Variants in DDX19A observed in about 807,000 individuals in gnomAD.
The protein encoded by DDX19A is ATP-dependent RNA helicase DDX19A.
In DDX19A, 12 loss-of-function variants were observed where a neutral mutation model predicts 60.6. That is an observed-to-expected ratio of 0.20 (90% CI 0.13 to 0.32). The LOEUF is 0.32. Among genes scored for constraint, DDX19A ranks in the 10% least tolerant of loss-of-function variants. DDX19A has a pLI of 1.00. For synonymous variants in DDX19A, 206 were observed against 218.2 expected (o/e 0.94, Z 0.49); for missense variants, 337 against 600.6 (o/e 0.56, Z 4.59).
At chr16:70,361,329 A>G in intron 4 of DDX19A, 89 bp from the exon 5 acceptor site, 1 of 1,006,654 alleles carries the variant, frequency 9.9e-7, no homozygotes, top group South Asian at 1.3e-5. Flanking sequence ...AGGAGGCATC[A>G]TTCCTTTCTA....
intron 2 of DDX19A, 49 bp downstream of exon 2, chr16:70,350,654 T>C (rs1963983500): frequency 7.4e-7 from 1 of 1,355,498 alleles, no homozygotes; most frequent in Non-Finnish European, 1.0e-6. Flanking sequence ...TGTGGGCCGC[T>C]GCTTTGCACT....
chr16:70,372,237 T>G lies in DDX19A; in HGVS notation c.*251T>G. On this transcript the variant is annotated 3_prime_UTR_variant, in exon 12 of 12. Coordinates refer to ENST00000302243, the MANE Select transcript of DDX19A (RefSeq NM_018332.5). Reference sequence around the variant, plus strand: ...TTTTTAAAGCCACATTCCCCCATCTTTATAATAATCTGGTCACAGTGGTAG... The same window carrying G: ...TTTTTAAAGCCACATTCCCCCATCTGTATAATAATCTGGTCACAGTGGTAG... 1 of 599,016 alleles carries G rather than the reference T, an allele frequency of 1.7e-6. No individual in the cohort carries two copies. Among genetic ancestry groups the G allele is most frequent in the Non-Finnish European group, 2.9e-6 (1 of 341,542 alleles). The allele number at this position is 599,016 out of a possible 1,614,324, so 37.1% of individuals were successfully genotyped here.
At chr16:70,369,472 C>CT (rs1964618604) in intron 9 of DDX19A, among the ~76,000 whole-genome samples, 1 of 152,060 alleles carries the variant, frequency 6.6e-6, no homozygotes, top group Non-Finnish European at 1.5e-5. Context: ...GCCACCGCGC[C>CT]TGGCCCCCAG....
At chr16:70,360,822 G>GT in intron 4 of DDX19A, 1 of 153,304 alleles carries the variant, frequency 6.5e-6, no homozygotes, top group Non-Finnish European at 1.5e-5. Context: ...CTCAGTCACA[G>GT]ATCACTGCAG....
intron 10 of DDX19A, chr16:70,370,695 C>CA: frequency 7.6e-6 from 2 of 264,094 alleles, no homozygotes; most frequent in Non-Finnish European, 1.4e-5. Flanking sequence ...GACTCTGTCT[C>CA]CAAAAAAAAA....
At chr16:70,357,898 G>A (rs1964260884) in intron 4 of DDX19A, among the ~76,000 whole-genome samples, 1 of 152,002 alleles carries the variant, frequency 6.6e-6, no homozygotes, top group Non-Finnish European at 1.5e-5. Context: ...CTATAGTATG[G>A]CCACTATGGA....
Position 70,350,605 on chromosome 16 carries a change from G to A in DDX19A, c.106G>A (p.Gly36Ser). 1 of 1,610,486 alleles carries A rather than the reference G, an allele frequency of 6.2e-7. No homozygotes were observed. Among genetic ancestry groups the A allele is most frequent in the Non-Finnish European group, 8.5e-7 (1 of 1,177,848 alleles). The change falls in exon 2 of 12, where the codon GGT (glycine) becomes AGT (serine). Residue 36 changes from glycine to serine, a missense_variant and splice_region_variant. This residue lies in a region of DDX19A where 127 missense variants were observed against 160.3 expected (regional missense o/e 0.79). Transcript: ENST00000302243. ...AGAGAAAGTCAAAGCAGATACCAAT[G>A]GTGAGTCACTAGTAACTACAAGCTA... ...KEEKVKADTN[G>S]IIKTSTTAEK...
At chr16:70,350,211 C>G (rs1963969588) in intron 1 of DDX19A, among the ~76,000 whole-genome samples, 1 of 152,158 alleles carries the variant, frequency 6.6e-6, no homozygotes, top group Admixed American at 6.6e-5. Context: ...CATGATCGTG[C>G]TGCTGTACTC....
In DDX19A at chr16:70,346,905, A is replaced by G. The variant is rs767771170; in HGVS notation, c.-87A>G. 10 of 1,374,962 alleles carry G rather than the reference A, an allele frequency of 7.3e-6. No homozygotes were observed. The highest frequency in any genetic ancestry group is 1.0e-5 in the Non-Finnish European group (10 of 992,504). 85.2% of individuals were successfully genotyped at this position (1,374,962 alleles called of 1,614,324 possible). On this transcript the variant is annotated 5_prime_UTR_variant, in exon 1 of 12. Coordinates refer to ENST00000302243, the MANE Select transcript of DDX19A (RefSeq NM_018332.5). ...GCCGCTTCCGGTCCGCGTGAGGTGC[A>G]TTCTCGCGCCGGTGGCGAGGTTAGG...
intron 5 of DDX19A, chr16:70,363,632 G>C (rs1003544337): frequency 4.0e-5 from 6 of 149,990 alleles, no homozygotes; most frequent in African/African-American, 1.5e-4. Flanking sequence ...ACCGCACCCA[G>C]CCTAATTTTT....
At chr16:70,370,576 G>C in intron 10 of DDX19A, 191 bp downstream of exon 10, 1 of 935,936 alleles carries the variant, frequency 1.1e-6, no homozygotes, top group Non-Finnish European at 1.5e-6. Flanking sequence ...GCCAGGTGCG[G>C]TGGCTCATGC....
At chr16:70,361,832 A>T (rs11861486) in intron 5 of DDX19A, among the ~76,000 whole-genome samples, 14,098 of 151,146 alleles carry the variant, frequency 0.093, 2,155 homozygotes, top group African/African-American at 0.32. Flanking sequence ...AGGTCAGGAG[A>T]TTGAGTCCAG....
intron 8 of DDX19A, 68 bp downstream of exon 8, chr16:70,366,330 A>G (rs1964518745): frequency 6.2e-7 from 1 of 1,603,738 alleles, no homozygotes; most frequent in Non-Finnish European, 8.5e-7. Context: ...TTCACTTCAG[A>G]CGCCTCCTCT....
At chr16:70,362,084 A>T (rs1257506808) in intron 5 of DDX19A, among the ~76,000 whole-genome samples, 1 of 151,440 alleles carries the variant, frequency 6.6e-6, no homozygotes, top group Non-Finnish European at 1.5e-5. Context: ...CTAAGGCAGG[A>T]GAATTGCTTG....
Position 70,366,190 on chromosome 16 carries a change from T to G in DDX19A, c.710T>G (p.Val237Gly). The G allele has an allele frequency of 6.2e-7, 1 of 1,613,870 alleles. No individual in the cohort carries two copies. The highest frequency in any genetic ancestry group is 8.5e-7 in the Non-Finnish European group (1 of 1,179,960). Residue 237 changes from valine to glycine, a missense_variant, in exon 8 of 12, where the codon GTG becomes GGG. Physicochemically the swap from Val to Gly is moderately radical, Grantham distance 109 (BLOSUM62 -3). Coordinates refer to ENST00000302243, the MANE Select transcript of DDX19A (RefSeq NM_018332.5). Reference protein sequence around the residue: ...LKFIDPKKIKVFVLDEADVMI... With the variant: ...LKFIDPKKIKGFVLDEADVMI... ...TTCATTGATCCCAAGAAAATCAAGG[T>G]GTTTGTTCTGGATGAGGCTGATGTC...
intron 2 of DDX19A, 66 bp from the exon 3 acceptor site, chr16:70,355,419 T>G: frequency 9.2e-7 from 1 of 1,083,144 alleles, no homozygotes; most frequent in Non-Finnish European, 1.4e-6. Context: ...TTTATTTATA[T>G]TGTCCCACAT....
At position 70,373,209 on chromosome 16, in the gene DDX19A, G is replaced by T. The variant is rs1232187674; in HGVS notation, c.*1223G>T. ...AATGGCGCCACTGCACTCCAGCCTG[G>T]GTAACAGAGCGAGACCCCGACTCAA... is the stretch of plus-strand genomic sequence containing the variant. On this transcript the variant is annotated 3_prime_UTR_variant, in exon 12 of 12. Transcript: ENST00000302243. 1.3e-5 allele frequency: 2 copies of T among 152,138 alleles called. No homozygotes were observed. The highest frequency in any genetic ancestry group is 2.9e-5 in the Non-Finnish European group (2 of 68,030). 9.4% of individuals were successfully genotyped at this position (152,138 alleles called of 1,614,324 possible). A position where few individuals can be genotyped will look rare whatever the true frequency, so the allele number is the denominator to read the frequency against.
At chr16:70,350,653 C>T in intron 2 of DDX19A, 48 bp downstream of exon 2, 1 of 1,362,880 alleles carries the variant, frequency 7.3e-7, no homozygotes, top group Non-Finnish European at 1.0e-6. Flanking sequence ...ATGTGGGCCG[C>T]TGCTTTGCAC....
In DDX19A at chr16:70,350,663, C is replaced by G. The variant is rs529567586; in HGVS notation, c.106+58C>G. 49 of 1,255,276 alleles carry G rather than the reference C, an allele frequency of 3.9e-5. No homozygotes were observed. In the East Asian group the frequency reaches 1.1e-3, roughly 27 times the overall value. The allele number at this position is 1,255,276 out of a possible 1,614,324, so 77.8% of individuals were successfully genotyped here. A position where few individuals can be genotyped will look rare whatever the true frequency, so the allele number is the denominator to read the frequency against. On this transcript the variant is annotated intron_variant, in intron 2 of 11. Transcript: ENST00000302243. ...GTTCCATGTGGGCCGCTGCTTTGCA[C>G]TCATAGCTGCATTGTACAAAGAGCT...
Sources: gnomAD v4.1 joint callset for allele counts (sites outside exome capture counted in the v4.1 genomes callset) on GRCh38, gnomAD v4.1.1 for gene constraint, gnomAD v4.1.1 regional missense constraint, MANE v1.5 for transcripts, NCBI Gene and HGNC (gene_info 2026-07-23, HGNC 2026-07-21) for gene names.